SACM1L: variants seen among roughly 807,000 people sequenced by gnomAD.
SACM1L encodes SAC1 like phosphatidylinositide phosphatase, also known as phosphatidylinositol-3-phosphatase SAC1.
SACM1L carries 32 observed loss-of-function variants against 89.5 expected under a neutral mutation model. The observed-to-expected ratio is 0.36, with a 90% CI of 0.27 to 0.48. The LOEUF (loss-of-function observed/expected upper bound fraction) is 0.48. Ranked by LOEUF, SACM1L falls within the 20% of genes least tolerant of loss-of-function variation. The pLI is 0.99. For missense variants in SACM1L, 543 were observed against 708.5 expected (o/e 0.77, Z 2.65); for synonymous variants, 213 against 232.8 (o/e 0.92, Z 0.77).
At chr3:45,697,328 G>T (rs1325854452) in intron 1 of SACM1L, among the ~76,000 whole-genome samples, 1 of 138,764 alleles carries the variant, frequency 7.2e-6, no homozygotes, top group African/African-American at 2.7e-5. Flanking sequence ...CCAGGCTGGA[G>T]TGTAGTGGTG....
rs1698820821 is a variant in SACM1L at position 45,722,972 on chromosome 3, C to G, written c.852+17C>G. ...GCAAATCACGTGTGTATCTTGCATG[C>G]CTTTTTTGTTGGTTAAAAATAGAAG... On this transcript the variant is annotated intron_variant, in intron 10 of 19. Coordinates refer to ENST00000389061, the MANE Select transcript of SACM1L (RefSeq NM_014016.5). 3 of 1,587,980 alleles carry G rather than the reference C, an allele frequency of 1.9e-6. No homozygotes were observed. The highest frequency in any genetic ancestry group is 2.6e-6 in the Non-Finnish European group (3 of 1,158,084).
intron 1 of SACM1L, among the ~76,000 whole-genome samples, chr3:45,692,314 G>C (rs1038031350): frequency 3.2e-5 from 1 of 31,176 alleles, no homozygotes. Context: ...GTTTGAAAGA[G>C]AGTTTTTTTT....
chr3:45,693,230 A>T (rs762778009), intron 1 of SACM1L, among the ~76,000 whole-genome samples: 8 of 152,218 alleles, frequency 5.3e-5, no homozygotes, highest in Non-Finnish European at 8.8e-5. Flanking sequence ...TCTGTCGTTG[A>T]CCAAAGCATT....
At chr3:45,719,878 C>T (rs551538809) in intron 8 of SACM1L, among the ~76,000 whole-genome samples, 1 of 152,240 alleles carries the variant, frequency 6.6e-6, no homozygotes, top group South Asian at 2.1e-4. Flanking sequence ...CAGCTGAACT[C>T]AGTGTAGTTT....
At chr3:45,703,127 G>A (rs1219805176) in intron 1 of SACM1L, among the ~76,000 whole-genome samples, 4 of 152,168 alleles carry the variant, frequency 2.6e-5, no homozygotes, top group Admixed American at 2.0e-4. Flanking sequence ...GTCTGGTTCT[G>A]TAGGCTCTGG....
At chr3:45,738,527 T>G in intron 16 of SACM1L, 51 bp from the exon 17 acceptor site, 7 of 1,083,080 alleles carry the variant, frequency 6.5e-6, no homozygotes, top group Non-Finnish European at 9.9e-6. Flanking sequence ...TAAAACAGTG[T>G]GAGAATTCAG....
chr3:45,732,491 C>T (rs1369920126), intron 13 of SACM1L, among the ~76,000 whole-genome samples: 1 of 152,060 alleles, frequency 6.6e-6, no homozygotes, highest in Non-Finnish European at 1.5e-5. Context: ...TGTTGTTAAC[C>T]TGTACAGCGT....
At chr3:45,739,220 T>G (rs189425861) in intron 18 of SACM1L, among the ~76,000 whole-genome samples, 344 of 152,290 alleles carry the variant, frequency 2.3e-3, no homozygotes, top group African/African-American at 7.7e-3. Flanking sequence ...CTTCTCTCCT[T>G]TTTGACTCCT....
chr3:45,713,453 A>G (rs1158886633), intron 6 of SACM1L: 1 of 266,240 alleles, frequency 3.8e-6, no homozygotes, highest in African/African-American at 2.2e-5. Context: ...GATACAGGGG[A>G]TCTTGGTACA....
intron 19 of SACM1L, chr3:45,739,952 C>A: frequency 2.6e-6 from 1 of 380,970 alleles, no homozygotes; most frequent in Non-Finnish European, 4.8e-6. Context: ...AGGACCTGCC[C>A]AGGAAAAAGA....
chr3:45,729,830 GA>G (rs1246685169), intron 11 of SACM1L, among the ~76,000 whole-genome samples: 10 of 152,002 alleles, frequency 6.6e-5, no homozygotes, highest in Non-Finnish European at 1.3e-4. Flanking sequence ...TCACATTTGG[GA>G]AGGTTTTGGC....
chr3:45,718,555 G>A (rs1698718617), intron 7 of SACM1L, among the ~76,000 whole-genome samples: 2 of 152,006 alleles, frequency 1.3e-5, no homozygotes, highest in African/African-American at 4.8e-5. Flanking sequence ...TTCAGTGAGT[G>A]GCATTAATTT....
At chr3:45,722,627 A>G (rs1044157105) in intron 9 of SACM1L, among the ~76,000 whole-genome samples, 2 of 152,260 alleles carry the variant, frequency 1.3e-5, no homozygotes, top group Admixed American at 6.5e-5. Flanking sequence ...TAGAATTTCA[A>G]GGAAATAACT....
chr3:45,689,885 C>T (rs1201460227), intron 1 of SACM1L: 1 of 282,720 alleles, frequency 3.5e-6, no homozygotes, highest in Non-Finnish European at 6.7e-6. Context: ...TCTTACTTAA[C>T]GGACCTACAG....
intron 19 of SACM1L, among the ~76,000 whole-genome samples, chr3:45,742,253 A>G (rs1478885486): frequency 6.6e-6 from 1 of 152,250 alleles, no homozygotes; most frequent in Non-Finnish European, 1.5e-5. Context: ...AAATTCGAGT[A>G]TATTTTGAGT....
At chr3:45,736,248 A>G (rs554188264) in intron 14 of SACM1L, among the ~76,000 whole-genome samples, 1 of 152,298 alleles carries the variant, frequency 6.6e-6, no homozygotes, top group Non-Finnish European at 1.5e-5. Context: ...ACTAGCAAGG[A>G]ATATTGACTC....
chr3:45,736,864 GT>G (rs1272117280), intron 14 of SACM1L, among the ~76,000 whole-genome samples: 1 of 152,178 alleles, frequency 6.6e-6, no homozygotes, highest in African/African-American at 2.4e-5. Context: ...TGAAGGCAGA[GT>G]TCTTACCCAG....
chr3:45,716,938 A>G (rs1197551108), intron 7 of SACM1L, among the ~76,000 whole-genome samples: 1 of 152,226 alleles, frequency 6.6e-6, no homozygotes, highest in Non-Finnish European at 1.5e-5. Context: ...TCAGAGGAAC[A>G]TGATTCATAA....
At chr3:45,725,661 G>A (rs750304393) in intron 11 of SACM1L, among the ~76,000 whole-genome samples, 5 of 149,632 alleles carry the variant, frequency 3.3e-5, no homozygotes, top group Admixed American at 6.6e-5. Context: ...ATAATTTTAT[G>A]CTTCCTTTCC....
Sources: gnomAD v4.1 joint callset for allele counts (sites outside exome capture counted in the v4.1 genomes callset) on GRCh38, gnomAD v4.1.1 for gene constraint, MANE v1.5 for transcripts, NCBI Gene and HGNC (gene_info 2026-07-23, HGNC 2026-07-21) for gene names.